The following CSMD2 variants were observed in gnomAD, a reference collection of about 807,000 sequenced individuals.
CSMD2 encodes CUB and sushi domain-containing protein 2.
CSMD2 carries 130 observed loss-of-function variants against 398.5 expected under a neutral mutation model. The ratio of observed to expected loss-of-function variants is 0.33; its 90% CI spans 0.28 to 0.38. CSMD2 has a LOEUF of 0.38. Among genes scored for constraint, CSMD2 ranks in the 10% least tolerant of loss-of-function variants. CSMD2 has a pLI of 1.00. For synonymous variants in CSMD2, 1,828 were observed against 1,908.5 expected, an observed-to-expected ratio of 0.96 and a Z score of 1.10; for missense variants, 3,829 against 4,764.9, an observed-to-expected ratio of 0.80 and a Z score of 5.78.
rs1014185506 is a variant in CSMD2 at position 33,856,680 on chromosome 1, A to G, written c.921-9684T>C. 3.3e-5 allele frequency among the ~76,000 whole-genome samples: 5 copies of G among 152,030 alleles called. No individual in the cohort carries two copies. The East Asian group carries it at 9.7e-4, about 29-fold the overall frequency. Reference sequence around the variant, plus strand: ...GGAGGCAGCTAGTGGTCCCTGCCAGAGATCAGCAGCTCTGATGTCCAGAAG... The same window carrying G: ...GGAGGCAGCTAGTGGTCCCTGCCAGGGATCAGCAGCTCTGATGTCCAGAAG... On this transcript the variant is annotated intron_variant, in intron 5 of 70. Transcript: ENST00000373381.
At chr1:33,804,651 TA>T in intron 10 of CSMD2, 1 of 713,154 alleles carries the variant, frequency 1.4e-6, no homozygotes, top group South Asian at 1.5e-5. Flanking sequence ...GCTCATCTCA[TA>T]AAACATACTG....
At chr1:33,580,300 C>T (rs145756029) in intron 48 of CSMD2, among the ~76,000 whole-genome samples, 1 of 152,254 alleles carries the variant, frequency 6.6e-6, no homozygotes, top group African/African-American at 2.4e-5. Context: ...TAGATTGTTG[C>T]CTGGGTCAGT....
chr1:33,610,796 G>C, intron 41 of CSMD2, among the ~76,000 whole-genome samples: 1 of 152,086 alleles, frequency 6.6e-6, no homozygotes, highest in East Asian at 1.9e-4. Context: ...CAGCTGTACA[G>C]AGTGGGAGCC....
chr1:34,147,032 C>A (rs1478853621), intron 1 of CSMD2, among the ~76,000 whole-genome samples: 4 of 152,046 alleles, frequency 2.6e-5, no homozygotes, highest in Non-Finnish European at 5.9e-5. Context: ...CCGAGGCGGG[C>A]GGATCATGAG....
In CSMD2 at chr1:33,532,904, T is replaced by C. The variant is rs558658363; in HGVS notation, c.10171+146A>G. On this transcript the variant is annotated intron_variant, in intron 64 of 70. Transcript: ENST00000373381. ...TTTAGACCGCTCTGCTTTGCTCTTC[T>C]AGACTCAAAACCTTAGAAAATCAGA... 18 of 836,388 alleles carry C rather than the reference T, an allele frequency of 2.2e-5. No individual in the cohort carries two copies. In the Middle Eastern group the frequency reaches 1.1e-3, roughly 50 times the overall value. 51.8% of individuals were successfully genotyped at this position (836,388 alleles called of 1,614,324 possible).
chr1:33,684,356 A>G (rs1171247752), intron 25 of CSMD2, among the ~76,000 whole-genome samples: 1 of 152,226 alleles, frequency 6.6e-6, no homozygotes, highest in Non-Finnish European at 1.5e-5. Flanking sequence ...CTTTATGGGC[A>G]TAGCAGAAAT....
At chr1:33,684,234 C>T (rs1644994985) in intron 25 of CSMD2, among the ~76,000 whole-genome samples, 1 of 152,232 alleles carries the variant, frequency 6.6e-6, no homozygotes, top group Admixed American at 6.5e-5. Context: ...CCCGCCAATG[C>T]CTGCTGCATG....
intron 12 of CSMD2, among the ~76,000 whole-genome samples, chr1:33,774,207 A>T (rs1291613350): frequency 2.0e-5 from 3 of 151,520 alleles, no homozygotes; most frequent in Non-Finnish European, 4.4e-5. Flanking sequence ...CTGTGTGACC[A>T]TGTGCCAGGT....
At chr1:33,846,049 C>T (rs1661320820) in intron 6 of CSMD2, among the ~76,000 whole-genome samples, 1 of 152,224 alleles carries the variant, frequency 6.6e-6, no homozygotes. Flanking sequence ...TGAGGCCAAC[C>T]CTTGGTGTTT....
At chr1:33,824,450 G>A (rs1216217991) in intron 7 of CSMD2, among the ~76,000 whole-genome samples, 1 of 152,168 alleles carries the variant, frequency 6.6e-6, no homozygotes, top group Non-Finnish European at 1.5e-5. Flanking sequence ...ACAGCCTGTG[G>A]CAACTGTCTC....
At chr1:34,151,199 A>G (rs748895257) in intron 1 of CSMD2, among the ~76,000 whole-genome samples, 2 of 152,068 alleles carry the variant, frequency 1.3e-5, no homozygotes, top group Non-Finnish European at 2.9e-5. Context: ...GGCCTTTAGT[A>G]GCTTATAACT....
At chr1:33,784,383 C>T (rs889304102) in intron 12 of CSMD2, among the ~76,000 whole-genome samples, 1 of 152,090 alleles carries the variant, frequency 6.6e-6, no homozygotes, top group South Asian at 2.1e-4. Flanking sequence ...GTAGAGGGGG[C>T]TCCTCACCAG....
intron 15 of CSMD2, among the ~76,000 whole-genome samples, chr1:33,734,601 AT>A (rs1646825278): frequency 6.6e-6 from 1 of 152,140 alleles, no homozygotes; most frequent in Admixed American, 6.5e-5. Flanking sequence ...TCTGGCCAAC[AT>A]AGTGAAACCC....
Position 33,807,750 on chromosome 1 carries a change from A to G in CSMD2, c.1446+2993T>C, listed in dbSNP as rs147314084. Among the ~76,000 whole-genome samples, 507 of 152,306 alleles carry G rather than the reference A, an allele frequency of 3.3e-3. 3 individuals are homozygous for G. The highest frequency in any genetic ancestry group is 0.011 in the African/African-American group (470 of 41,588). On this transcript the variant is annotated intron_variant, in intron 10 of 70. Coordinates refer to ENST00000373381, the MANE Select transcript of CSMD2 (RefSeq NM_001281956.2). ...TAATGCTAGGCTTTATTAAGTAGGC[A>G]TATTGCTATTTCTAGAGTATTTTAG... is the stretch of plus-strand genomic sequence containing the variant.
chr1:33,806,742 T>C (rs1326037432), intron 10 of CSMD2, among the ~76,000 whole-genome samples: 3 of 152,176 alleles, frequency 2.0e-5, no homozygotes, highest in African/African-American at 7.2e-5. Flanking sequence ...AAATAGGGCT[T>C]CATAAAGTGC....
chr1:33,642,397 C>T (rs115398348), intron 29 of CSMD2, among the ~76,000 whole-genome samples: 1,935 of 140,148 alleles, frequency 0.014, 47 homozygotes, highest in African/African-American at 0.049. Flanking sequence ...AACAAACAAA[C>T]AAACAAAAAA....
At chr1:33,953,803 C>A (rs192203270) in intron 3 of CSMD2, among the ~76,000 whole-genome samples, 20 of 152,232 alleles carry the variant, frequency 1.3e-4, no homozygotes, top group African/African-American at 4.6e-4. Context: ...CTGAGAGATA[C>A]GGATTGATTT....
chr1:33,667,210 A>C (rs1644346344), intron 25 of CSMD2, among the ~76,000 whole-genome samples: 1 of 152,196 alleles, frequency 6.6e-6, no homozygotes, highest in African/African-American at 2.4e-5. Flanking sequence ...TGAATGAATG[A>C]GTGAGTGAAT....
intron 54 of CSMD2, among the ~76,000 whole-genome samples, chr1:33,558,374 A>G (rs1178850234): frequency 6.6e-6 from 1 of 152,242 alleles, no homozygotes; most frequent in Non-Finnish European, 1.5e-5. Flanking sequence ...AATCACTTTT[A>G]TGAGTATTTC....
Sources: gnomAD v4.1 joint callset for allele counts (sites outside exome capture counted in the v4.1 genomes callset) on GRCh38, gnomAD v4.1.1 for gene constraint, MANE v1.5 for transcripts, NCBI Gene and HGNC (gene_info 2026-07-23, HGNC 2026-07-21) for gene names.